Variants in CSMD1 observed in about 807,000 individuals in gnomAD.
CSMD1 encodes the protein CUB and sushi domain-containing protein 1.
A neutral mutation model predicts 417.5 loss-of-function variants in CSMD1; 213 were observed. The observed-to-expected ratio is 0.51, with a 90% confidence interval of 0.46 to 0.57. The LOEUF (loss-of-function observed/expected upper bound fraction) is 0.57. CSMD1 is among the 20% of genes least tolerant of loss of function. CSMD1 has a pLI of 0.00. For missense variants in CSMD1, 6,923 were observed against 4,529.7 expected (o/e 1.53, Z -15.17); for synonymous variants, 2,862 against 1,736.8 (o/e 1.65, Z -16.11).
At position 3,142,644 on chromosome 8, in the gene CSMD1, G is replaced by C; in HGVS notation, c.6062C>G (p.Thr2021Ser). 6.2e-7 allele frequency: 1 copy of C among 1,613,862 alleles called. No individual in the cohort carries two copies. Among genetic ancestry groups the C allele is most frequent in the Non-Finnish European group, 8.5e-7 (1 of 1,179,784 alleles). ...GAHIQFLNFSTEANHDFLEIQ... is the reference protein window; with the variant it reads ...GAHIQFLNFSSEANHDFLEIQ... ...TTCAAGGAAGTCATGATTAGCTTCG[G>C]TAGAAAAATTCAGAAACTGAATATG... Residue 2021 changes from threonine to serine, a missense_variant, in exon 41 of 70, where the codon ACC becomes AGC. Transcript: ENST00000635120.
intron 3 of CSMD1, among the ~76,000 whole-genome samples, chr8:4,372,531 A>G (rs1802455728): frequency 1.3e-5 from 2 of 152,136 alleles, no homozygotes; most frequent in African/African-American, 4.8e-5. Flanking sequence ...ACCTCATCCA[A>G]TAAAATGATT....
chr8:3,689,530 C>T (rs1021181189), intron 7 of CSMD1, among the ~76,000 whole-genome samples: 2 of 152,132 alleles, frequency 1.3e-5, no homozygotes, highest in African/African-American at 4.8e-5. Flanking sequence ...TTCTTCTTTT[C>T]CCGGAGGAGC....
At chr8:4,097,486 G>C (rs957806375) in intron 3 of CSMD1, among the ~76,000 whole-genome samples, 1 of 152,160 alleles carries the variant, frequency 6.6e-6, no homozygotes, top group Non-Finnish European at 1.5e-5. Flanking sequence ...AATTAAGAAA[G>C]ATTTAGATTC....
chr8:4,628,698 G>C (rs1428847133), intron 2 of CSMD1, among the ~76,000 whole-genome samples: 4 of 152,054 alleles, frequency 2.6e-5, no homozygotes, highest in Admixed American at 2.0e-4. Flanking sequence ...TTTTACCTTG[G>C]TTAAAATTAC....
chr8:4,543,557 T>C (rs1193280866), intron 2 of CSMD1, among the ~76,000 whole-genome samples: 1 of 151,694 alleles, frequency 6.6e-6, no homozygotes, highest in Non-Finnish European at 1.5e-5. Flanking sequence ...ATTGGATGCT[T>C]CCAGTTTTGA....
chr8:4,951,946 T>C (rs1808779299), intron 1 of CSMD1, among the ~76,000 whole-genome samples: 1 of 151,524 alleles, frequency 6.6e-6, no homozygotes, highest in African/African-American at 2.4e-5. Flanking sequence ...CCCCTAGGCC[T>C]GAAACTGGTG....
At position 3,351,756 on chromosome 8, in the gene CSMD1, T is replaced by C. The variant is rs558837457; in HGVS notation, c.3305-3595A>G. On this transcript the variant is annotated intron_variant, in intron 21 of 69. Transcript: ENST00000635120. Reference sequence around the variant, plus strand: ...ATTTAATATGTATTAAATATAAATATATTAAATGTATAATATATATTAAAT... The same window carrying C: ...ATTTAATATGTATTAAATATAAATACATTAAATGTATAATATATATTAAAT... 5.6e-3 allele frequency among the ~76,000 whole-genome samples: 518 copies of C among 92,768 alleles called. 3 individuals are homozygous for C. Among genetic ancestry groups the C allele is most frequent in the African/African-American group, 0.019 (502 of 26,686 alleles). 60.9% of individuals were successfully genotyped at this position (92,768 alleles called of 152,430 possible). A position where few individuals can be genotyped will look rare whatever the true frequency, so the allele number is the denominator to read the frequency against.
At chr8:3,548,163 A>T (rs554542463) in intron 10 of CSMD1, among the ~76,000 whole-genome samples, 143 of 152,266 alleles carry the variant, frequency 9.4e-4, no homozygotes, top group African/African-American at 3.3e-3. Context: ...TAACAATGTT[A>T]TGGGGGGTTC....
intron 18 of CSMD1, among the ~76,000 whole-genome samples, chr8:3,379,903 T>C (rs2116765598): frequency 6.6e-6 from 1 of 152,132 alleles, no homozygotes; most frequent in Non-Finnish European, 1.5e-5. Context: ...ACAAATGGGA[T>C]ATAATTAAAG....
In CSMD1 at chr8:3,288,123, T is replaced by C. The variant is rs1584934860; in HGVS notation, c.3951-3777A>G. Reference sequence around the variant, plus strand: ...ATTACATTTATCGATTTTCATTTGTTGAACAAGCCATGCATCCCAGGGATG... The same window carrying C: ...ATTACATTTATCGATTTTCATTTGTCGAACAAGCCATGCATCCCAGGGATG... On this transcript the variant is annotated intron_variant, in intron 25 of 69. Transcript: ENST00000635120. Among the ~76,000 whole-genome samples, 5 of 147,696 alleles carry C rather than the reference T, an allele frequency of 3.4e-5. 1 individual carries two copies.
At chr8:3,323,049 G>C (rs1239054153) in intron 23 of CSMD1, among the ~76,000 whole-genome samples, 5 of 152,052 alleles carry the variant, frequency 3.3e-5, no homozygotes, top group East Asian at 1.9e-4. Flanking sequence ...TACAATTCAA[G>C]TCATCACTGT....
chr8:4,757,257 T>G (rs754391191), intron 1 of CSMD1, among the ~76,000 whole-genome samples: 9 of 152,194 alleles, frequency 5.9e-5, no homozygotes, highest in Non-Finnish European at 1.3e-4. Context: ...GACTACATTT[T>G]AAAAGTTTGC....
intron 2 of CSMD1, among the ~76,000 whole-genome samples, chr8:4,591,816 G>C (rs917311883): frequency 1.3e-5 from 2 of 152,198 alleles, no homozygotes; most frequent in African/African-American, 4.8e-5. Context: ...AGTGGCTACA[G>C]AAAGACCGTC....
intron 15 of CSMD1, among the ~76,000 whole-genome samples, chr8:3,402,740 G>A (rs777293796): frequency 6.6e-6 from 1 of 151,924 alleles, no homozygotes; most frequent in Non-Finnish European, 1.5e-5. Context: ...ATCATAAACA[G>A]TTTGTCTATT....
chr8:4,643,356 G>C (rs957561487), intron 1 of CSMD1, among the ~76,000 whole-genome samples: 15 of 152,106 alleles, frequency 9.9e-5, no homozygotes, highest in Non-Finnish European at 7.3e-5. Flanking sequence ...ACGAGAACTT[G>C]ATTACTTTCT....
At chr8:3,351,256 A>G (rs1808401974) in intron 21 of CSMD1, among the ~76,000 whole-genome samples, 1 of 152,218 alleles carries the variant, frequency 6.6e-6, no homozygotes, top group South Asian at 2.1e-4. Context: ...AGTGTGGCAC[A>G]GGATTCAAAA....
In CSMD1 at chr8:4,605,923, G is replaced by T. The variant is rs549345345; in HGVS notation, c.302+31419C>A. ...TTCCCGAGATCAATGCTGGGAGATG[G>T]AAACATTTTTATGACGAGGATGTGT... On this transcript the variant is annotated intron_variant, in intron 2 of 69. Transcript: ENST00000635120. Among the ~76,000 whole-genome samples the T allele has an allele frequency of 5.9e-5, 9 of 152,240 alleles. No homozygotes were observed. The East Asian group carries it at 1.5e-3, about 26-fold the overall frequency.
At chr8:3,458,620 G>A (rs544533148) in intron 12 of CSMD1, among the ~76,000 whole-genome samples, 13 of 152,272 alleles carry the variant, frequency 8.5e-5, no homozygotes, top group East Asian at 7.7e-4. Flanking sequence ...TTAAGACAAC[G>A]GAACGCTAGT....
At chr8:3,623,768 G>C (rs913252928) in intron 7 of CSMD1, among the ~76,000 whole-genome samples, 3 of 152,204 alleles carry the variant, frequency 2.0e-5, no homozygotes, top group East Asian at 1.9e-4. Flanking sequence ...CTGAGGTGAG[G>C]AGTTCAAGAC....
Sources: gnomAD v4.1 joint callset for allele counts (sites outside exome capture counted in the v4.1 genomes callset) on GRCh38, gnomAD v4.1.1 for gene constraint, MANE v1.5 for transcripts, NCBI Gene and HGNC (gene_info 2026-07-23, HGNC 2026-07-21) for gene names.